Variants in ATF7IP2 observed in about 807,000 individuals in gnomAD.
ATF7IP2 encodes the protein activating transcription factor 7-interacting protein 2.
In ATF7IP2, 42 loss-of-function variants were observed where a neutral mutation model predicts 64.2. That is an observed-to-expected ratio of 0.65 (90% CI 0.51 to 0.85). The LOEUF is 0.85. Among genes scored for constraint, ATF7IP2 ranks in the 40% least tolerant of loss-of-function variants. The pLI is 0.00. For synonymous variants in ATF7IP2, 308 were observed against 272.8 expected (o/e 1.13, Z -1.27); for missense variants, 933 against 784.2 (o/e 1.19, Z -2.27).
At chr16:10,403,468 C>A (rs1420631426) in intron 1 of ATF7IP2, among the ~76,000 whole-genome samples, 1 of 152,078 alleles carries the variant, frequency 6.6e-6, no homozygotes, top group Non-Finnish European at 1.5e-5. Flanking sequence ...AACTCCTGTC[C>A]TAGTGAAAAT....
In ATF7IP2 at chr16:10,479,803, T is replaced by G. The variant is rs541427991; in HGVS notation, c.1550-1076T>G. The stretch of plus-strand genomic sequence containing the variant: ...CCACAATGAGATACCATCTCATGCC[T>G]GTCAGAATGGCGATTATTAAAGTCA... On this transcript the variant is annotated intron_variant, in intron 12 of 13. Transcript: ENST00000562102. 2.0e-5 allele frequency among the ~76,000 whole-genome samples: 3 copies of G among 152,064 alleles called. No individual in the cohort carries two copies. The South Asian group carries it at 6.2e-4, about 32-fold the overall frequency.
intron 6 of ATF7IP2, among the ~76,000 whole-genome samples, chr16:10,435,020 G>A (rs554800715): frequency 7.9e-5 from 12 of 152,214 alleles, no homozygotes; most frequent in Admixed American, 3.9e-4. Flanking sequence ...CGCCCGCCTC[G>A]GCCTCCCAAA....
chr16:10,468,069 G>A (rs930266556), intron 9 of ATF7IP2, among the ~76,000 whole-genome samples: 3 of 151,014 alleles, frequency 2.0e-5, no homozygotes, highest in African/African-American at 7.3e-5. Flanking sequence ...TAGTAGAGAC[G>A]GGGTTTCTCC....
intron 1 of ATF7IP2, among the ~76,000 whole-genome samples, chr16:10,405,530 C>A (rs575134092): frequency 6.6e-6 from 1 of 152,154 alleles, no homozygotes; most frequent in Admixed American, 6.6e-5. Flanking sequence ...GGGCTTGGGC[C>A]GTGAGAAACA....
chr16:10,399,490 C>T (rs903549032), intron 1 of ATF7IP2, among the ~76,000 whole-genome samples: 2 of 152,214 alleles, frequency 1.3e-5, no homozygotes, highest in African/African-American at 4.8e-5. Flanking sequence ...TCAAAGATCA[C>T]TTGGCTGTAG....
chr16:10,473,607 C>G, intron 11 of ATF7IP2, 73 bp downstream of exon 11: 2 of 1,092,320 alleles, frequency 1.8e-6, no homozygotes, highest in African/African-American at 1.6e-5. Flanking sequence ...GTGTTTGCTA[C>G]ATGTTGGATG....
intron 12 of ATF7IP2, among the ~76,000 whole-genome samples, chr16:10,479,253 A>C (rs11074864): frequency 2.0e-5 from 3 of 149,298 alleles, no homozygotes; most frequent in Non-Finnish European, 4.4e-5. Context: ...AACCAACCCA[A>C]ATGTCCAACA....
chr16:10,424,128 C>G (rs1188766077), intron 3 of ATF7IP2, among the ~76,000 whole-genome samples: 1 of 152,228 alleles, frequency 6.6e-6, no homozygotes, highest in African/African-American at 2.4e-5. Flanking sequence ...AGGCACAGAT[C>G]ACTCATGCTA....
At chr16:10,438,340 G>C in intron 7 of ATF7IP2, 105 bp downstream of exon 7, 2 of 1,202,306 alleles carry the variant, frequency 1.7e-6, no homozygotes, top group Non-Finnish European at 2.2e-6. Context: ...TGCCTTCTGA[G>C]CTCAAGCAAT....
At chr16:10,388,763 C>T (rs999218307) in intron 1 of ATF7IP2, among the ~76,000 whole-genome samples, 2 of 152,162 alleles carry the variant, frequency 1.3e-5, no homozygotes, top group Non-Finnish European at 2.9e-5. Context: ...GTAATCCCAG[C>T]ACTTTGGGAG....
At chr16:10,393,165 C>A (rs185316155) in intron 1 of ATF7IP2, among the ~76,000 whole-genome samples, 1 of 151,754 alleles carries the variant, frequency 6.6e-6, no homozygotes, top group African/African-American at 2.4e-5. Flanking sequence ...CAAGCATTAG[C>A]TGGGCATGGT....
At chr16:10,401,753 G>C (rs1006483811) in intron 1 of ATF7IP2, among the ~76,000 whole-genome samples, 1 of 130,474 alleles carries the variant, frequency 7.7e-6, no homozygotes, top group African/African-American at 2.6e-5. Context: ...TTGTTGTTGG[G>C]AGTCTTTTTT....
At chr16:10,474,096 A>G (rs112652287) in intron 12 of ATF7IP2, 107 bp downstream of exon 12, 14 of 719,908 alleles carry the variant, frequency 1.9e-5, no homozygotes, top group East Asian at 2.7e-5. Flanking sequence ...GAGTGTGCCT[A>G]TGTTTATATC....
intron 1 of ATF7IP2, among the ~76,000 whole-genome samples, chr16:10,409,679 C>A (rs1004140789): frequency 1.6e-4 from 25 of 152,156 alleles, no homozygotes; most frequent in African/African-American, 4.8e-4. Flanking sequence ...CCCGCCTGGG[C>A]CTCCCAAAGT....
chr16:10,433,386 G>A, intron 5 of ATF7IP2, 139 bp from the exon 6 acceptor site: 1 of 652,852 alleles, frequency 1.5e-6, no homozygotes, highest in Non-Finnish European at 2.6e-6. Context: ...TGTTGCCCAG[G>A]CTGGTCTTGA....
At chr16:10,452,243 C>T (rs1329757157) in intron 8 of ATF7IP2, among the ~76,000 whole-genome samples, 1 of 152,162 alleles carries the variant, frequency 6.6e-6, no homozygotes, top group African/African-American at 2.4e-5. Context: ...TGGTTTCTCC[C>T]CATCTTTGTG....
At chr16:10,464,359 A>C (rs970642584) in intron 9 of ATF7IP2, among the ~76,000 whole-genome samples, 3 of 152,166 alleles carry the variant, frequency 2.0e-5, no homozygotes, top group Non-Finnish European at 2.9e-5. Flanking sequence ...GAGATTTTAT[A>C]ATTGTTTTTT....
At chr16:10,391,092 G>A (rs1330679588) in intron 1 of ATF7IP2, among the ~76,000 whole-genome samples, 1 of 151,716 alleles carries the variant, frequency 6.6e-6, no homozygotes, top group Non-Finnish European at 1.5e-5. Context: ...AAGAGTTCAA[G>A]GTTACAGTGA....
chr16:10,473,301 A>G (rs1482594827), intron 10 of ATF7IP2, among the ~76,000 whole-genome samples, 178 bp from the exon 11 acceptor site: 1 of 152,216 alleles, frequency 6.6e-6, no homozygotes. Flanking sequence ...ACCCAAAATT[A>G]CATTTTTTTA....
Sources: gnomAD v4.1 joint callset for allele counts (sites outside exome capture counted in the v4.1 genomes callset) on GRCh38, gnomAD v4.1.1 for gene constraint, MANE v1.5 for transcripts, NCBI Gene and HGNC (gene_info 2026-07-23, HGNC 2026-07-21) for gene names.